DTNB: variants seen among roughly 807,000 people sequenced by gnomAD.
DTNB encodes the protein dystrobrevin beta, also known as DTN-B.
DTNB carries 63 observed loss-of-function variants against 90.7 expected under a neutral mutation model. That is an observed-to-expected ratio of 0.69 (90% CI 0.57 to 0.86). The LOEUF is 0.86. DTNB is among the 40% of genes least tolerant of loss of function. The pLI, the probability that DTNB is intolerant of heterozygous loss-of-function variation, is 0.00. For missense variants in DTNB, 744 were observed against 807.1 expected (o/e 0.92, Z 0.95); for synonymous variants, 277 against 286.7 (o/e 0.97, Z 0.34).
rs373052678 is a variant in DTNB, at chr2:25,647,041, A to G, written c.67+5553T>C. 2.6e-5 allele frequency among the ~76,000 whole-genome samples: 4 copies of G among 152,372 alleles called. No homozygotes were observed. The East Asian group carries it at 7.7e-4, about 29-fold the overall frequency. ...TAGCTTATGCTACTTACAAGAGACA[A>G]AAACATAAGAATTAAGAAATTTAAG... is the stretch of plus-strand genomic sequence containing the variant. On this transcript the variant is annotated intron_variant, in intron 2 of 20. Transcript: ENST00000406818.
intron 16 of DTNB, among the ~76,000 whole-genome samples, chr2:25,413,885 C>T (rs2047222939): frequency 6.6e-6 from 1 of 152,226 alleles, no homozygotes; most frequent in Non-Finnish European, 1.5e-5. Context: ...AACTAGTTTA[C>T]AGTCCCACCA....
intron 10 of DTNB, among the ~76,000 whole-genome samples, chr2:25,482,139 C>A (rs899983396): frequency 2.0e-5 from 3 of 152,086 alleles, no homozygotes; most frequent in Admixed American, 6.6e-5. Flanking sequence ...TTTTGCATTG[C>A]TCTGGGTCAT....
chr2:25,588,777 C>T (rs1261615838), intron 6 of DTNB, among the ~76,000 whole-genome samples: 2 of 152,148 alleles, frequency 1.3e-5, no homozygotes, highest in Admixed American at 1.3e-4. Context: ...GAAATGACAG[C>T]CCATCATAAC....
Position 25,484,510 on chromosome 2 carries a change from A to G in DTNB, c.1002-1637T>C, listed in dbSNP as rs2065725119. Among the ~76,000 whole-genome samples, 4 of 152,240 alleles carry G rather than the reference A, an allele frequency of 2.6e-5. 1 individual carries two copies. The highest frequency in any genetic ancestry group is 2.1e-4 in the South Asian group (1 of 4,834). On this transcript the variant is annotated intron_variant, in intron 9 of 20. Coordinates refer to ENST00000406818, the MANE Select transcript of DTNB (RefSeq NM_021907.5). Reference sequence around the variant, plus strand: ...TATTTCAGGGAGGGCCAAGGAACCCAGATGTTAAAGAAGGATCTCTTTCTC... The same window carrying G: ...TATTTCAGGGAGGGCCAAGGAACCCGGATGTTAAAGAAGGATCTCTTTCTC...
At chr2:25,447,042 T>C in intron 12 of DTNB, among the ~76,000 whole-genome samples, 1 of 152,390 alleles carries the variant, frequency 6.6e-6, no homozygotes, top group East Asian at 1.9e-4. Context: ...ATAACTTTTG[T>C]TTTAAAAATC....
At chr2:25,659,893 G>GA (rs139523692) in intron 1 of DTNB, among the ~76,000 whole-genome samples, 1 of 151,766 alleles carries the variant, frequency 6.6e-6, no homozygotes, top group South Asian at 2.1e-4. Context: ...AACAAAGGCA[G>GA]AAAAAAAGGA....
intron 9 of DTNB, among the ~76,000 whole-genome samples, chr2:25,518,153 G>A (rs1167212325): frequency 6.6e-6 from 1 of 151,984 alleles, no homozygotes; most frequent in Non-Finnish European, 1.5e-5. Flanking sequence ...TGAACTGTAC[G>A]CTTAAAAACC....
rs180993841 is a variant in DTNB at position 25,488,128 on chromosome 2, T to C, written c.1002-5255A>G. Among the ~76,000 whole-genome samples the C allele has an allele frequency of 1.8e-3, 269 of 152,200 alleles. 1 individual carries two copies. The highest frequency in any genetic ancestry group is 3.0e-3 in the Non-Finnish European group (203 of 68,002). On this transcript the variant is annotated intron_variant, in intron 9 of 20. Coordinates refer to ENST00000406818, the MANE Select transcript of DTNB (RefSeq NM_021907.5). The stretch of plus-strand genomic sequence containing the variant: ...CTTTGCCCCACATAATATATAAATA[T>C]ATCATGTAGGATATATTGGGAAGCA...
chr2:25,470,179 A>T (rs943730324), intron 10 of DTNB, among the ~76,000 whole-genome samples: 1 of 152,192 alleles, frequency 6.6e-6, no homozygotes, highest in Non-Finnish European at 1.5e-5. Flanking sequence ...AAATATCAGT[A>T]GTTCTGTCAT....
chr2:25,505,357 C>T (rs2150611654), intron 9 of DTNB, among the ~76,000 whole-genome samples: 1 of 152,276 alleles, frequency 6.6e-6, no homozygotes, highest in East Asian at 1.9e-4. Flanking sequence ...TGAAGAATGC[C>T]ACTGTAGACA....
At chr2:25,478,017 TAA>T (rs10601523) in intron 10 of DTNB, among the ~76,000 whole-genome samples, 63,779 of 146,218 alleles carry the variant, frequency 0.44, 14,527 homozygotes, top group Non-Finnish European at 0.52. Flanking sequence ...GTTTTTACTT[TAA>T]AAAAAAAAAA....
chr2:25,612,645 C>A (rs2068950244), intron 4 of DTNB, among the ~76,000 whole-genome samples: 1 of 152,048 alleles, frequency 6.6e-6, no homozygotes, highest in Non-Finnish European at 1.5e-5. Flanking sequence ...AAAGCTGCTT[C>A]TTTGAATGGA....
chr2:25,621,058 C>G (rs151195153), intron 4 of DTNB, among the ~76,000 whole-genome samples: 1 of 152,054 alleles, frequency 6.6e-6, no homozygotes, highest in Non-Finnish European at 1.5e-5. Flanking sequence ...TGTGCTACAA[C>G]GGTGGAAAAT....
intron 11 of DTNB, among the ~76,000 whole-genome samples, chr2:25,453,291 C>A (rs2059543587): frequency 6.6e-6 from 1 of 152,112 alleles, no homozygotes; most frequent in Non-Finnish European, 1.5e-5. Context: ...TGTTTTCTAG[C>A]CAGAAACTAG....
At chr2:25,613,824 G>C (rs1190318340) in intron 4 of DTNB, among the ~76,000 whole-genome samples, 2 of 152,136 alleles carry the variant, frequency 1.3e-5, no homozygotes, top group Non-Finnish European at 2.9e-5. Context: ...CGGGCGTGGT[G>C]GCGCTCACCA....
intron 16 of DTNB, among the ~76,000 whole-genome samples, chr2:25,394,661 A>G (rs571095948): frequency 6.6e-6 from 1 of 152,352 alleles, no homozygotes; most frequent in South Asian, 2.1e-4. Context: ...TATCAGGGAA[A>G]TGCAAATCAA....
chr2:25,672,203 C>CAAAAAAAA lies in DTNB; in HGVS notation c.-2+1175_-2+1182dup, dbSNP rs5829985. 3.3e-4 allele frequency among the ~76,000 whole-genome samples: 14 copies of CAAAAAAAA among 42,470 alleles called. 2 individuals are homozygous for CAAAAAAAA. Among genetic ancestry groups the CAAAAAAAA allele is most frequent in the Admixed American group, 4.0e-4 (1 of 2,506 alleles). The allele number at this position is 42,470 out of a possible 152,430, so 27.9% of individuals were successfully genotyped here. The stretch of plus-strand genomic sequence containing the variant: ...TCAGAACCGGGGTTGCCTCGCATAG[C>CAAAAAAAA]AAAAAAAAAAAAAAAAAAAAAAAAA... On this transcript the variant is annotated intron_variant, in intron 1 of 20. Coordinates refer to ENST00000406818, the MANE Select transcript of DTNB (RefSeq NM_021907.5).
At chr2:25,520,539 G>A (rs148841727) in intron 9 of DTNB, among the ~76,000 whole-genome samples, 2 of 152,292 alleles carry the variant, frequency 1.3e-5, no homozygotes, top group Non-Finnish European at 2.9e-5. Context: ...CAAGAAGTTA[G>A]ACTTGTTCTT....
Position 25,525,132 on chromosome 2 carries a change from T to G in DTNB, c.1001+6341A>C, listed in dbSNP as rs116179192. Among the ~76,000 whole-genome samples, 1,314 of 152,298 alleles carry G rather than the reference T, an allele frequency of 8.6e-3. 21 individuals carry two copies. The highest frequency in any genetic ancestry group is 0.029 in the African/African-American group (1,211 of 41,574). ...ATATTACTTAATAAAGTAATAAACT[T>G]ACAGAACGACATGTAGAGCATGACC... On this transcript the variant is annotated intron_variant, in intron 9 of 20. Transcript: ENST00000406818.
Sources: allele counts gnomAD v4.1 joint callset (sites outside exome capture counted in the v4.1 genomes callset), GRCh38; gene constraint gnomAD v4.1.1; transcripts MANE v1.5; gene names NCBI Gene and HGNC (gene_info 2026-07-23, HGNC 2026-07-21).